GPR149: variants seen among roughly 807,000 people sequenced by gnomAD.
GPR149 encodes G protein-coupled receptor 149.
GPR149 carries 50 observed loss-of-function variants against 50.2 expected under a neutral mutation model. The ratio of observed to expected loss-of-function variants is 1.00; its 90% confidence interval spans 0.79 to 1.26. The LOEUF (loss-of-function observed/expected upper bound fraction) is 1.26, where lower values mean the gene tolerates loss of function less well. GPR149 is among the 50% of genes most tolerant of loss of function. The probability of loss-of-function intolerance (pLI) is 0.00; values close to 1 mark genes in which losing one functional copy is unlikely to be tolerated. For synonymous variants in GPR149, 405 were observed against 358.2 expected, an observed-to-expected ratio of 1.13 and a Z score of -1.48; for missense variants, 983 against 895.4, an observed-to-expected ratio of 1.10 and a Z score of -1.25.
At chr3:154,386,753 G>A (rs976436208) in intron 3 of GPR149, among the ~76,000 whole-genome samples, 3 of 152,140 alleles carry the variant, frequency 2.0e-5, no homozygotes, top group African/African-American at 7.2e-5. Flanking sequence ...AAACCACTGC[G>A]ATTGAATTCT....
At position 154,419,396 on chromosome 3, in the gene GPR149, T is replaced by A. The variant is rs578113641; in HGVS notation, c.1623+1643A>T. Among the ~76,000 whole-genome samples the A allele has an allele frequency of 3.4e-4, 51 of 152,152 alleles. No homozygotes were observed. The Middle Eastern group carries it at 0.014, about 41-fold the overall frequency. ...TAACCAAGGCTTTTAAATGAGGATG[T>A]TAAGTTGTGGTATTTTAGATAATAA... is the stretch of plus-strand genomic sequence containing the variant. On this transcript the variant is annotated intron_variant, in intron 3 of 3. Coordinates refer to ENST00000389740, the MANE Select transcript of GPR149 (RefSeq NM_001038705.3).
intron 3 of GPR149, among the ~76,000 whole-genome samples, chr3:154,415,300 C>G (rs1711956353): frequency 6.6e-6 from 1 of 151,894 alleles, no homozygotes; most frequent in Non-Finnish European, 1.5e-5. Flanking sequence ...TGCTAATTCC[C>G]TTCAATTTGT....
intron 3 of GPR149, among the ~76,000 whole-genome samples, chr3:154,343,529 G>C (rs1450653909): frequency 2.0e-5 from 3 of 152,160 alleles, no homozygotes; most frequent in Non-Finnish European, 4.4e-5. Context: ...TCTGGAGTAT[G>C]TGTTGGGGTT....
intron 3 of GPR149, among the ~76,000 whole-genome samples, chr3:154,417,149 G>T (rs966070135): frequency 3.9e-5 from 6 of 152,012 alleles, no homozygotes; most frequent in Middle Eastern, 3.4e-3. Context: ...AGTCATACTG[G>T]TGGCTATCAC....
At position 154,337,879 on chromosome 3, in the gene GPR149, G is replaced by A; in HGVS notation, c.2016C>T (p.Tyr672=). ...VSCDLGETAS[Y]SLFLPTSNPD... Reference sequence around the variant, plus strand: ...GATTACTGGTGGGCAAAAAGAGGGAGTATGAGGCTGTTTCCCCTAGGTCAC... The same window carrying A: ...GATTACTGGTGGGCAAAAAGAGGGAATATGAGGCTGTTTCCCCTAGGTCAC... The change falls in exon 4 of 4, where the codon TAC becomes TAT. Residue 672 remains tyrosine (Y), a synonymous_variant. Coordinates refer to ENST00000389740, the MANE Select transcript of GPR149 (RefSeq NM_001038705.3). 1 of 1,613,574 alleles carries A rather than the reference G, an allele frequency of 6.2e-7. No homozygotes were observed. The highest frequency in any genetic ancestry group is 8.5e-7 in the Non-Finnish European group (1 of 1,179,806).
At chr3:154,419,846 A>G (rs1712087668) in intron 3 of GPR149, among the ~76,000 whole-genome samples, 1 of 152,058 alleles carries the variant, frequency 6.6e-6, no homozygotes, top group Non-Finnish European at 1.5e-5. Flanking sequence ...ATTTTTCCTA[A>G]ACATATGGAG....
chr3:154,353,461 C>T, intron 3 of GPR149: 2 of 933,566 alleles, frequency 2.1e-6, no homozygotes, highest in Non-Finnish European at 3.6e-6. Context: ...GTTTGATCCA[C>T]TTCATCAAGC....
intron 3 of GPR149, among the ~76,000 whole-genome samples, chr3:154,417,648 A>G (rs1210905701): frequency 6.6e-6 from 1 of 152,070 alleles, no homozygotes; most frequent in African/African-American, 2.4e-5. Context: ...TAGTGTTTTT[A>G]TAGAGTAACT....
intron 3 of GPR149, among the ~76,000 whole-genome samples, chr3:154,409,703 G>T (rs1019512578): frequency 6.6e-6 from 1 of 152,028 alleles, no homozygotes; most frequent in African/African-American, 2.4e-5. Flanking sequence ...TTTTAAAAAT[G>T]TACAAAGCCT....
At position 154,410,614 on chromosome 3, in the gene GPR149, A is replaced by G. The variant is rs1314650712; in HGVS notation, c.1623+10425T>C. On this transcript the variant is annotated intron_variant, in intron 3 of 3. Coordinates refer to ENST00000389740, the MANE Select transcript of GPR149 (RefSeq NM_001038705.3). Reference sequence around the variant, plus strand: ...ACAAAGAGGGACATTATACAATGATAAAAGAACTAGTCCAACAGGAAAATA... The same window carrying G: ...ACAAAGAGGGACATTATACAATGATGAAAGAACTAGTCCAACAGGAAAATA... 2.6e-5 allele frequency among the ~76,000 whole-genome samples: 4 copies of G among 152,230 alleles called. No individual in the cohort carries two copies. The East Asian group carries it at 5.8e-4, about 22-fold the overall frequency.
At chr3:154,420,883 G>T (rs974191956) in intron 3 of GPR149, among the ~76,000 whole-genome samples, 156 bp downstream of exon 3, 1 of 152,030 alleles carries the variant, frequency 6.6e-6, no homozygotes, top group East Asian at 1.9e-4. Flanking sequence ...CTTCAAAAGA[G>T]ACCTTGAAAT....
At chr3:154,339,289 C>T (rs147742173) in intron 3 of GPR149, among the ~76,000 whole-genome samples, 2 of 152,082 alleles carry the variant, frequency 1.3e-5, no homozygotes, top group East Asian at 1.9e-4. Flanking sequence ...CAAGCCTTTC[C>T]GGTGATTCTG....
chr3:154,395,665 G>A (rs996662339), intron 3 of GPR149, among the ~76,000 whole-genome samples: 15 of 151,992 alleles, frequency 9.9e-5, no homozygotes, highest in African/African-American at 3.6e-4. Context: ...GCATGGTGGT[G>A]TGTGCCTGTA....
intron 3 of GPR149, among the ~76,000 whole-genome samples, chr3:154,377,097 A>G (rs13080908): frequency 0.24 from 35,826 of 150,014 alleles, 5,320 homozygotes; most frequent in East Asian, 0.67. Flanking sequence ...GGGGTAGAGG[A>G]TAGTAGAAAA....
chr3:154,344,119 C>G (rs1303424536), intron 3 of GPR149, among the ~76,000 whole-genome samples: 2 of 152,172 alleles, frequency 1.3e-5, no homozygotes, highest in Non-Finnish European at 2.9e-5. Flanking sequence ...ATTTATAGCA[C>G]TCTCAAAGAG....
At chr3:154,365,671 T>C (rs1204468749) in intron 3 of GPR149, among the ~76,000 whole-genome samples, 3 of 152,204 alleles carry the variant, frequency 2.0e-5, no homozygotes, top group Non-Finnish European at 4.4e-5. Flanking sequence ...AATGTCTTAG[T>C]TCATGGCCCT....
chr3:154,392,126 A>G (rs1409034053), intron 3 of GPR149, among the ~76,000 whole-genome samples: 1 of 151,932 alleles, frequency 6.6e-6, no homozygotes. Context: ...ATAAGGAAAC[A>G]GGATCTGAAC....
chr3:154,419,049 T>C (rs1460669440), intron 3 of GPR149, among the ~76,000 whole-genome samples: 1 of 152,046 alleles, frequency 6.6e-6, no homozygotes, highest in African/African-American at 2.4e-5. Flanking sequence ...TAAAAAGTTT[T>C]ACCTTTCCAG....
At chr3:154,398,950 G>A (rs1037241473) in intron 3 of GPR149, among the ~76,000 whole-genome samples, 1 of 152,126 alleles carries the variant, frequency 6.6e-6, no homozygotes, top group Admixed American at 6.5e-5. Context: ...ATAAACATAA[G>A]AGAAGGACTC....
Sources: gnomAD v4.1 joint callset for allele counts (sites outside exome capture counted in the v4.1 genomes callset) on GRCh38, gnomAD v4.1.1 for gene constraint, MANE v1.5 for transcripts, NCBI Gene and HGNC (gene_info 2026-07-23, HGNC 2026-07-21) for gene names.